The following NHSL2 variants were observed in gnomAD, a reference collection of about 807,000 sequenced individuals.
NHSL2 encodes NHS like 2, also known as NHS-like protein 2.
Under a neutral mutation model 53.4 loss-of-function variants are expected in NHSL2, and 27 were observed. The ratio of observed to expected loss-of-function variants is 0.51; its 90% CI spans 0.37 to 0.70. The LOEUF (loss-of-function observed/expected upper bound fraction) is 0.70, where lower values mean the gene tolerates loss of function less well. NHSL2 is among the 30% of genes least tolerant of loss of function. The pLI is 0.00. For missense variants in NHSL2, 892 were observed against 980.1 expected (o/e 0.91, Z 1.20); for synonymous variants, 408 against 404.1 (o/e 1.01, Z -0.12).
chrX:72,109,745 G>T (rs752121879), intron 1 of NHSL2, among the ~76,000 whole-genome samples: 13 of 111,774 alleles, frequency 1.2e-4, no homozygotes, highest in African/African-American at 3.6e-4. Flanking sequence ...GGGATTACAG[G>T]CATGAGCCAC....
rs951934561 is a variant in NHSL2 at position 72,028,696 on chromosome X, C to G, written c.281-103383C>G. On this transcript the variant is annotated intron_variant, in intron 1 of 7. Transcript: ENST00000633930. ...TGGGTACATCTCATTTGACAACACTCTCTCTTGAAAGAGATTTGGGCCTGG... is the reference window on the plus strand; with the variant it reads ...TGGGTACATCTCATTTGACAACACTGTCTCTTGAAAGAGATTTGGGCCTGG... 4.5e-5 allele frequency among the ~76,000 whole-genome samples: 5 copies of G among 112,279 alleles called. No homozygotes were observed. The East Asian group carries it at 1.1e-3, about 25-fold the overall frequency.
intron 1 of NHSL2, among the ~76,000 whole-genome samples, chrX:72,085,479 A>G (rs1032767949): frequency 9.0e-6 from 1 of 111,547 alleles, no homozygotes; most frequent in Non-Finnish European, 1.9e-5. Context: ...TGTGAAATTC[A>G]TCCATTGCAC....
chrX:72,080,571 C>CGTGTGTGTGTGT (rs10580313), intron 1 of NHSL2, among the ~76,000 whole-genome samples: 1,896 of 97,107 alleles, frequency 0.02, 54 homozygotes, highest in East Asian at 0.12. Flanking sequence ...GAATTCTGCA[C>CGTGTGTGTGTGT]GTGTGTGTGT....
intron 1 of NHSL2, among the ~76,000 whole-genome samples, chrX:72,091,180 G>A (rs1297962844): frequency 2.7e-5 from 3 of 112,382 alleles, no homozygotes; most frequent in Non-Finnish European, 3.8e-5. Context: ...TTAGCCGGGC[G>A]CAGTGGCTCA....
intron 1 of NHSL2, among the ~76,000 whole-genome samples, chrX:71,928,039 A>G (rs893760411): frequency 8.0e-5 from 9 of 112,920 alleles, no homozygotes; most frequent in Admixed American, 1.9e-4. Context: ...TAATACTTCT[A>G]AGTGTTGAGC....
At chrX:72,093,783 CCTTT>C (rs1208328040) in intron 1 of NHSL2, among the ~76,000 whole-genome samples, 9 of 67,132 alleles carry the variant, frequency 1.3e-4, no homozygotes, top group Non-Finnish European at 2.0e-4. Flanking sequence ...TCTTTCTTTT[CCTTT>C]CTTTCTTTCT....
chrX:71,955,795 CTTT>C, intron 1 of NHSL2, among the ~76,000 whole-genome samples: 1 of 100,119 alleles, frequency 1.0e-5, no homozygotes, highest in Admixed American at 1.1e-4. Flanking sequence ...CTTAAATTGA[CTTT>C]TTTTTTTTTT....
chrX:72,036,079 C>G (rs895840383), intron 1 of NHSL2, among the ~76,000 whole-genome samples: 3 of 112,116 alleles, frequency 2.7e-5, no homozygotes, highest in Non-Finnish European at 5.6e-5. Flanking sequence ...AGTTTCATCC[C>G]AAAACCATCC....
Position 72,142,354 on chromosome X carries a change from G to C in NHSL2, c.3346G>C (p.Val1116Leu), listed in dbSNP as rs954709656. The change falls in exon 7 of 8, where the codon GTG (valine) becomes CTG (leucine). Residue 1116 changes from valine to leucine, a missense_variant. By Grantham distance (32) the Val-to-Leu change is conservative. Coordinates refer to ENST00000633930, the MANE Select transcript of NHSL2 (RefSeq NM_001013627.3). Reference sequence around the variant, plus strand: ...ACGCACAACTGAAGATTTATTTACTGTGATACACAGGTCTGCACCAATTTC... The same window carrying C: ...ACGCACAACTGAAGATTTATTTACTCTGATACACAGGTCTGCACCAATTTC... ...ASRTTEDLFT[V>L]IHRSKRKLLG... is the part of the protein sequence containing the mutation. 3.7e-5 allele frequency: 43 copies of C among 1,157,735 alleles called. No individual in the cohort carries two copies. The Admixed American group carries it at 1.1e-3, about 30-fold the overall frequency.
intron 1 of NHSL2, among the ~76,000 whole-genome samples, chrX:72,098,826 A>T (rs1221157187): frequency 2.7e-5 from 3 of 111,990 alleles, no homozygotes; most frequent in Non-Finnish European, 5.6e-5. Flanking sequence ...TTCAAATAGT[A>T]CTGGAGAGTT....
At chrX:72,041,313 G>A (rs1055692562) in intron 1 of NHSL2, among the ~76,000 whole-genome samples, 2 of 111,594 alleles carry the variant, frequency 1.8e-5, no homozygotes, top group Non-Finnish European at 1.9e-5. Context: ...TCCGTGCTCA[G>A]AGTACCATAG....
At chrX:71,967,683 G>T (rs2041907125) in intron 1 of NHSL2, among the ~76,000 whole-genome samples, 1 of 111,475 alleles carries the variant, frequency 9.0e-6, no homozygotes, top group South Asian at 3.8e-4. Flanking sequence ...ACTTGTAAAA[G>T]TGTGTTTTAT....
At chrX:72,140,931 C>T (rs2042413663) in intron 6 of NHSL2, 160 bp downstream of exon 6, 5 of 447,491 alleles carry the variant, frequency 1.1e-5, no homozygotes, top group Admixed American at 4.7e-5. Flanking sequence ...ATAGGAACCA[C>T]GGGCTGGCCT....
intron 1 of NHSL2, among the ~76,000 whole-genome samples, chrX:72,038,868 A>G (rs1447992379): frequency 9.0e-6 from 1 of 111,716 alleles, no homozygotes; most frequent in Non-Finnish European, 1.9e-5. Flanking sequence ...GGTATATAAC[A>G]ACATAGGAGA....
intron 1 of NHSL2, among the ~76,000 whole-genome samples, chrX:72,077,124 T>A (rs2041750699): frequency 9.1e-6 from 1 of 110,342 alleles, no homozygotes; most frequent in African/African-American, 3.3e-5. Flanking sequence ...ACACAGGAGA[T>A]AAAAGTCATG....
chrX:72,042,042 C>T (rs1186077039), intron 1 of NHSL2, among the ~76,000 whole-genome samples: 11 of 112,324 alleles, frequency 9.8e-5, no homozygotes, highest in Non-Finnish European at 1.5e-4. Flanking sequence ...TGCTACAGAT[C>T]CCAAGTGCTT....
At position 71,948,827 on chromosome X, in the gene NHSL2, C is replaced by CA. The variant is rs55981141; in HGVS notation, c.280+37474dup. Among the ~76,000 whole-genome samples, 274 of 83,095 alleles carry CA rather than the reference C, an allele frequency of 3.3e-3. 1 individual carries two copies. Among genetic ancestry groups the CA allele is most frequent in the African/African-American group, 0.012 (244 of 20,657 alleles). The allele number at this position is 83,095 out of a possible 115,157, so 72.2% of individuals were successfully genotyped here. On this transcript the variant is annotated intron_variant, in intron 1 of 7. Coordinates refer to ENST00000633930, the MANE Select transcript of NHSL2 (RefSeq NM_001013627.3). Reference sequence around the variant, plus strand: ...CCTGGGCGACACAGCAAGACTCTGTCAAAAAAAAAAAAAATGTAGTTTTGT... The same window carrying CA: ...CCTGGGCGACACAGCAAGACTCTGTCAAAAAAAAAAAAAAATGTAGTTTTGT...
At chrX:71,956,559 A>G (rs2147845179) in intron 1 of NHSL2, among the ~76,000 whole-genome samples, 1 of 111,635 alleles carries the variant, frequency 9.0e-6, no homozygotes, top group East Asian at 2.8e-4. Context: ...AGCAATTTTT[A>G]AAAAACATAA....
At chrX:71,971,586 G>A (rs1489457992) in intron 1 of NHSL2, among the ~76,000 whole-genome samples, 2 of 111,380 alleles carry the variant, frequency 1.8e-5, no homozygotes, top group Admixed American at 9.6e-5. Context: ...CCCTATTGTT[G>A]TCAAATATAT....
Sources: gnomAD v4.1 joint callset for allele counts (sites outside exome capture counted in the v4.1 genomes callset) on GRCh38, gnomAD v4.1.1 for gene constraint, MANE v1.5 for transcripts, NCBI Gene and HGNC (gene_info 2026-07-23, HGNC 2026-07-21) for gene names.